SEMA3C: variants seen among roughly 807,000 people sequenced by gnomAD.
The protein encoded by SEMA3C is semaphorin-3C.
SEMA3C carries 47 observed loss-of-function variants against 89.4 expected under a neutral mutation model. The observed-to-expected ratio is 0.53, with a 90% CI of 0.42 to 0.67. SEMA3C has a LOEUF of 0.67. Ranked by LOEUF, SEMA3C falls within the 30% of genes least tolerant of loss-of-function variation. SEMA3C has a pLI of 0.00. For synonymous variants in SEMA3C, 310 were observed against 320.2 expected, an observed-to-expected ratio of 0.97 and a Z score of 0.34; for missense variants, 839 against 929.1, an observed-to-expected ratio of 0.90 and a Z score of 1.26.
intron 15 of SEMA3C, among the ~76,000 whole-genome samples, 162 bp from the exon 16 acceptor site, chr7:80,751,498 T>C (rs1041269065): frequency 2.7e-5 from 4 of 150,010 alleles, no homozygotes; most frequent in Non-Finnish European, 1.5e-5. Flanking sequence ...ACATTTCTTA[T>C]ACAATTTATC....
rs193013907 is a variant in SEMA3C at position 80,840,056 on chromosome 7, T to A, written c.104-11311A>T. On this transcript the variant is annotated intron_variant, in intron 2 of 17. Transcript: ENST00000265361. Reference sequence around the variant, plus strand: ...GTGAAGTCTCTTGTCCCTCTCACCCTCATAAAGTTCTGAACACAGCCCATA... The same window carrying A: ...GTGAAGTCTCTTGTCCCTCTCACCCACATAAAGTTCTGAACACAGCCCATA... Among the ~76,000 whole-genome samples, 4 of 151,690 alleles carry A rather than the reference T, an allele frequency of 2.6e-5. No individual in the cohort carries two copies. In the East Asian group the frequency reaches 7.7e-4, roughly 29 times the overall value.
intron 2 of SEMA3C, among the ~76,000 whole-genome samples, chr7:80,903,681 C>T (rs566111395): frequency 6.6e-6 from 1 of 151,970 alleles, no homozygotes; most frequent in Non-Finnish European, 1.5e-5. Context: ...AAAAATAAAT[C>T]TTATGAGACT....
intron 2 of SEMA3C, among the ~76,000 whole-genome samples, chr7:80,915,164 G>A (rs1199210012): frequency 1.3e-5 from 2 of 152,126 alleles, no homozygotes; most frequent in African/African-American, 2.4e-5. Flanking sequence ...ATTTGAAAAC[G>A]TATTTCATAG....
At chr7:80,757,115 G>A (rs541109620) in intron 15 of SEMA3C, among the ~76,000 whole-genome samples, 1 of 152,224 alleles carries the variant, frequency 6.6e-6, no homozygotes, top group Non-Finnish European at 1.5e-5. Context: ...AAAGCTCTAG[G>A]GTTGTTACAA....
At chr7:80,803,982 T>C (rs1789275896) in intron 8 of SEMA3C, 124 bp downstream of exon 8, 2 of 840,756 alleles carry the variant, frequency 2.4e-6, no homozygotes, top group Middle Eastern at 2.6e-4. Flanking sequence ...GATGAATAAA[T>C]GTTACATTAA....
chr7:80,787,709 T>G (rs1788836892), intron 12 of SEMA3C, among the ~76,000 whole-genome samples: 1 of 152,180 alleles, frequency 6.6e-6, no homozygotes, highest in African/African-American at 2.4e-5. Flanking sequence ...CTGGCAAGGC[T>G]TCTAAGTTGA....
At chr7:80,794,398 T>A (rs1363201816) in intron 11 of SEMA3C, among the ~76,000 whole-genome samples, 3 of 152,188 alleles carry the variant, frequency 2.0e-5, no homozygotes, top group African/African-American at 7.2e-5. Flanking sequence ...TAATTTTTCA[T>A]GTCTATGTCT....
intron 1 of SEMA3C, among the ~76,000 whole-genome samples, chr7:80,918,046 G>A (rs1181069520): frequency 2.6e-5 from 4 of 152,160 alleles, no homozygotes; most frequent in African/African-American, 9.7e-5. Flanking sequence ...GGAAACTCTA[G>A]AGATGTTTGT....
chr7:80,748,753 A>T, intron 17 of SEMA3C, 145 bp downstream of exon 17: 1 of 740,030 alleles, frequency 1.4e-6, no homozygotes, highest in Non-Finnish European at 2.1e-6. Flanking sequence ...AAAGGATTTT[A>T]AGGAAAGTGG....
In SEMA3C at chr7:80,758,325, G is replaced by A. The variant is rs746143758; in HGVS notation, c.1643+6C>T. The stretch of plus-strand genomic sequence containing the variant: ...TTGGATGTTGAGCCGAGTGTTTAGT[G>A]CTCACCGTTTCCCAGTTGGGTAGAA... On this transcript the variant is annotated splice_donor_region_variant and intron_variant, in intron 15 of 17. Coordinates refer to ENST00000265361, the MANE Select transcript of SEMA3C (RefSeq NM_006379.5). 6.2e-7 allele frequency: 1 copy of A among 1,611,952 alleles called. No homozygotes were observed. The highest frequency in any genetic ancestry group is 8.5e-7 in the Non-Finnish European group (1 of 1,179,074).
chr7:80,749,396 T>C (rs894182812), intron 16 of SEMA3C, among the ~76,000 whole-genome samples: 3 of 152,196 alleles, frequency 2.0e-5, no homozygotes, highest in Admixed American at 6.5e-5. Flanking sequence ...CTGTGAGTTA[T>C]GAGGAAATAC....
At chr7:80,782,124 AAG>A (rs1788704728) in intron 12 of SEMA3C, among the ~76,000 whole-genome samples, 1 of 152,174 alleles carries the variant, frequency 6.6e-6, no homozygotes, top group Non-Finnish European at 1.5e-5. Flanking sequence ...AATGAAGGTA[AAG>A]TTCTACTCCC....
At chr7:80,855,816 C>G (rs988039752) in intron 2 of SEMA3C, among the ~76,000 whole-genome samples, 5 of 152,114 alleles carry the variant, frequency 3.3e-5, no homozygotes, top group African/African-American at 1.2e-4. Context: ...ACTCCTAACA[C>G]TAGTTTGAGC....
intron 2 of SEMA3C, among the ~76,000 whole-genome samples, chr7:80,845,470 C>G (rs2115901852): frequency 1.3e-5 from 2 of 152,132 alleles, no homozygotes; most frequent in Admixed American, 1.3e-4. Flanking sequence ...CCTGTAAAGA[C>G]AAGCAGCGAA....
At chr7:80,834,665 A>G (rs1373272301) in intron 2 of SEMA3C, among the ~76,000 whole-genome samples, 1 of 152,146 alleles carries the variant, frequency 6.6e-6, no homozygotes, top group East Asian at 1.9e-4. Flanking sequence ...GAACTTGATA[A>G]AGGAAGGTAG....
At chr7:80,817,533 CT>C (rs1789637273) in intron 5 of SEMA3C, among the ~76,000 whole-genome samples, 1 of 152,084 alleles carries the variant, frequency 6.6e-6, no homozygotes, top group African/African-American at 2.4e-5. Context: ...GTGTAATGTA[CT>C]TTCCTTAGTC....
chr7:80,841,863 T>A (rs1306280656), intron 2 of SEMA3C, among the ~76,000 whole-genome samples: 2 of 152,156 alleles, frequency 1.3e-5, no homozygotes, highest in African/African-American at 2.4e-5. Context: ...TTTATCTAAA[T>A]ATTATTTATT....
At chr7:80,872,570 G>A (rs941138942) in intron 2 of SEMA3C, among the ~76,000 whole-genome samples, 3 of 151,926 alleles carry the variant, frequency 2.0e-5, no homozygotes, top group African/African-American at 4.8e-5. Context: ...TTGGGAGGTC[G>A]AGGGGGGCGG....
At chr7:80,857,448 T>C (rs1024114287) in intron 2 of SEMA3C, among the ~76,000 whole-genome samples, 2 of 152,206 alleles carry the variant, frequency 1.3e-5, no homozygotes, top group African/African-American at 4.8e-5. Context: ...ATAAATTATA[T>C]GATTCACTGC....
Sources: gnomAD v4.1 joint callset for allele counts (sites outside exome capture counted in the v4.1 genomes callset) on GRCh38, gnomAD v4.1.1 for gene constraint, MANE v1.5 for transcripts, NCBI Gene and HGNC (gene_info 2026-07-23, HGNC 2026-07-21) for gene names.